Variants in LRP1B observed in about 807,000 individuals in gnomAD.
LRP1B encodes the protein low-density lipoprotein receptor-related protein 1B.
In LRP1B, 217 loss-of-function variants were observed where a neutral mutation model predicts 556.6. The observed-to-expected ratio is 0.39, with a 90% CI of 0.35 to 0.44. LRP1B has a LOEUF of 0.44. Among genes scored for constraint, LRP1B ranks in the 20% least tolerant of loss-of-function variants. LRP1B has a pLI of 1.00. For missense variants in LRP1B, 5,053 were observed against 5,620.8 expected (o/e 0.90, Z 3.23); for synonymous variants, 2,047 against 1,865.8 (o/e 1.10, Z -2.50).
At chr2:141,395,670 A>T (rs1348122204) in intron 3 of LRP1B, among the ~76,000 whole-genome samples, 1 of 152,136 alleles carries the variant, frequency 6.6e-6, no homozygotes, top group East Asian at 1.9e-4. Context: ...TTAAAACCCA[A>T]TTACAAATTT....
At chr2:141,217,478 A>T (rs1312524228) in intron 6 of LRP1B, among the ~76,000 whole-genome samples, 3 of 152,196 alleles carry the variant, frequency 2.0e-5, no homozygotes, top group African/African-American at 7.2e-5. Context: ...TTGATAGAAG[A>T]CAGAGGTGAA....
intron 35 of LRP1B, among the ~76,000 whole-genome samples, chr2:140,746,766 G>A (rs941814090): frequency 2.6e-5 from 4 of 151,746 alleles, no homozygotes; most frequent in African/African-American, 9.7e-5. Context: ...GCCAGCAGCT[G>A]GCAAAATGAA....
intron 6 of LRP1B, among the ~76,000 whole-genome samples, chr2:141,205,526 AT>A (rs1011938152): frequency 6.6e-6 from 1 of 152,120 alleles, no homozygotes; most frequent in Non-Finnish European, 1.5e-5. Flanking sequence ...TATCAATAAA[AT>A]TTTTTTCACA....
chr2:140,649,857 T>C (rs1301814666), intron 41 of LRP1B, among the ~76,000 whole-genome samples: 1 of 152,218 alleles, frequency 6.6e-6, no homozygotes, highest in East Asian at 1.9e-4. Flanking sequence ...TGGATGGTTA[T>C]AGTTTGGCAA....
At chr2:141,810,043 A>AT (rs950440013) in intron 2 of LRP1B, among the ~76,000 whole-genome samples, 6 of 151,346 alleles carry the variant, frequency 4.0e-5, no homozygotes, top group African/African-American at 9.7e-5. Flanking sequence ...ACATACTCAT[A>AT]TTTAAAAAAA....
chr2:140,998,226 C>T (rs1200210422), intron 15 of LRP1B, among the ~76,000 whole-genome samples: 2 of 151,996 alleles, frequency 1.3e-5, no homozygotes, highest in African/African-American at 4.8e-5. Context: ...TTGCAATGTT[C>T]AAGTTGCTCT....
At chr2:141,357,653 T>C (rs1337320953) in intron 3 of LRP1B, among the ~76,000 whole-genome samples, 1 of 152,132 alleles carries the variant, frequency 6.6e-6, no homozygotes, top group Non-Finnish European at 1.5e-5. Flanking sequence ...AGTATCCTTT[T>C]ACTTATAACT....
chr2:141,581,538 C>T (rs868651718), intron 2 of LRP1B, among the ~76,000 whole-genome samples: 1 of 152,038 alleles, frequency 6.6e-6, no homozygotes, highest in Middle Eastern at 3.2e-3. Flanking sequence ...CAAGTTCAGC[C>T]ACCACACAGC....
At chr2:140,279,807 C>T (rs1682838178) in intron 84 of LRP1B, among the ~76,000 whole-genome samples, 1 of 151,760 alleles carries the variant, frequency 6.6e-6, no homozygotes, top group Non-Finnish European at 1.5e-5. Context: ...AAATAAACAC[C>T]ATTTTATTTT....
intron 90 of LRP1B, among the ~76,000 whole-genome samples, chr2:140,234,082 C>G (rs1006228864): frequency 6.6e-6 from 1 of 151,236 alleles, no homozygotes; most frequent in African/African-American, 2.4e-5. Context: ...TTTGTTTCGT[C>G]TTTCCAAAAA....
intron 49 of LRP1B, among the ~76,000 whole-genome samples, chr2:140,524,019 CTA>C (rs1403742532): frequency 1.3e-5 from 2 of 151,740 alleles, no homozygotes; most frequent in African/African-American, 4.8e-5. Flanking sequence ...AACAAAAAAA[CTA>C]TCAACAGAGT....
intron 7 of LRP1B, among the ~76,000 whole-genome samples, chr2:141,171,685 A>C (rs1282854661): frequency 6.6e-6 from 1 of 152,052 alleles, no homozygotes; most frequent in Non-Finnish European, 1.5e-5. Context: ...GTAAGAGTGT[A>C]GGCTGTGGAG....
chr2:140,502,877 CAT>C, intron 54 of LRP1B, 84 bp downstream of exon 54: 1 of 1,353,786 alleles, frequency 7.4e-7, no homozygotes, highest in South Asian at 1.3e-5. Context: ...CATTTTCTCT[CAT>C]TGAATACTAT....
At chr2:141,226,960 G>T (rs1683273338) in intron 6 of LRP1B, among the ~76,000 whole-genome samples, 1 of 152,006 alleles carries the variant, frequency 6.6e-6, no homozygotes, top group African/African-American at 2.4e-5. Context: ...TATTTACTCA[G>T]ATTAAAATAT....
intron 22 of LRP1B, among the ~76,000 whole-genome samples, chr2:140,904,518 A>C (rs1694191983): frequency 1.3e-5 from 2 of 152,250 alleles, no homozygotes; most frequent in South Asian, 2.1e-4. Flanking sequence ...CTGAAATGTA[A>C]GGCTTTTAAA....
chr2:140,850,110 A>G lies in LRP1B; in HGVS notation c.4931T>C (p.Ile1644Thr). The G allele has an allele frequency of 6.3e-7, 1 of 1,598,872 alleles. No individual in the cohort carries two copies. Among genetic ancestry groups the G allele is most frequent in the South Asian group, 1.1e-5 (1 of 90,316 alleles). Residue 1644 changes from isoleucine to threonine, a missense_variant, in exon 29 of 91, where the codon ATT becomes ACT. Coordinates refer to ENST00000389484, the MANE Select transcript of LRP1B (RefSeq NM_018557.3). ...FINGTGLETV[I>T]SRDIQSIRGL... ...ATGTACGAATCTTTTACCTCTTGAA[A>G]TAACAGTTTCTAACCCAGTTCCGTT... is the stretch of plus-strand genomic sequence containing the variant.
chr2:141,965,847 C>T (rs1701550505), intron 1 of LRP1B, among the ~76,000 whole-genome samples: 1 of 147,274 alleles, frequency 6.8e-6, no homozygotes, highest in Non-Finnish European at 1.5e-5. Flanking sequence ...AATGCAAAGC[C>T]TTGGCCAACT....
Position 141,464,606 on chromosome 2 carries a change from A to ATATATATTTTTTTTTTTTTTTTTTT in LRP1B, c.343+15789_343+15790insAAAAAAAAAAAAAAAAAAATATATA. On this transcript the variant is annotated intron_variant, in intron 3 of 90. Transcript: ENST00000389484. ...TTTGTATATATATATATATATATAT[A>ATATATATTTTTTTTTTTTTTTTTTT]TTTTTTTAGTAGAGATGGGGTTTCA... Among the ~76,000 whole-genome samples the ATATATATTTTTTTTTTTTTTTTTTT allele has an allele frequency of 2.7e-4, 24 of 90,508 alleles. 1 individual carries two copies. Among genetic ancestry groups the ATATATATTTTTTTTTTTTTTTTTTT allele is most frequent in the East Asian group, 1.4e-3 (5 of 3,576 alleles). 59.4% of individuals were successfully genotyped at this position (90,508 alleles called of 152,430 possible).
intron 41 of LRP1B, among the ~76,000 whole-genome samples, chr2:140,692,813 A>G (rs756035431): frequency 1.3e-5 from 2 of 152,090 alleles, no homozygotes; most frequent in Non-Finnish European, 2.9e-5. Flanking sequence ...AAAATATACT[A>G]AACTTATACT....
Sources: allele counts gnomAD v4.1 joint callset (sites outside exome capture counted in the v4.1 genomes callset), GRCh38; gene constraint gnomAD v4.1.1; transcripts MANE v1.5; gene names NCBI Gene and HGNC (gene_info 2026-07-23, HGNC 2026-07-21).